Variants in PSMA1 observed in about 807,000 individuals in gnomAD.
PSMA1 encodes proteasome 20S subunit alpha 1.
A neutral mutation model predicts 38.4 loss-of-function variants in PSMA1; 3 were observed. The ratio of observed to expected loss-of-function variants is 0.08; its 90% CI spans 0.04 to 0.20. The LOEUF (loss-of-function observed/expected upper bound fraction) is 0.20, where lower values mean the gene tolerates loss of function less well. Ranked by LOEUF, PSMA1 falls within the 10% of genes least tolerant of loss-of-function variation. The probability of loss-of-function intolerance (pLI) is 1.00; values close to 1 mark genes in which losing one functional copy is unlikely to be tolerated. For missense variants in PSMA1, 227 were observed against 325.3 expected, an observed-to-expected ratio of 0.70 and a Z score of 2.32; for synonymous variants, 101 against 107.1, an observed-to-expected ratio of 0.94 and a Z score of 0.35.
intron 2 of PSMA1, among the ~76,000 whole-genome samples, chr11:14,529,672 C>T (rs566891919): frequency 6.6e-6 from 1 of 152,314 alleles, no homozygotes; most frequent in South Asian, 2.1e-4. Context: ...TGCGTGCGTT[C>T]TTTGGTAACA....
intron 2 of PSMA1, among the ~76,000 whole-genome samples, chr11:14,607,076 T>C (rs1467417623): frequency 6.6e-6 from 1 of 152,170 alleles, no homozygotes; most frequent in Non-Finnish European, 1.5e-5. Context: ...GAGATGAGCA[T>C]TGTAAAATTC....
intron 1 of PSMA1, among the ~76,000 whole-genome samples, chr11:14,629,989 G>A (rs1262861043): frequency 6.6e-6 from 1 of 152,044 alleles, no homozygotes; most frequent in African/African-American, 2.4e-5. Flanking sequence ...GTATAAGAAT[G>A]CTTGTGATTT....
chr11:14,640,692 T>A (rs747735031), intron 1 of PSMA1, among the ~76,000 whole-genome samples: 28 of 152,204 alleles, frequency 1.8e-4, no homozygotes, highest in Non-Finnish European at 3.2e-4. Context: ...AAAACAATGA[T>A]CCTTTCTATG....
chr11:14,523,591 T>G (rs1851553525), upstream of PSMA1, among the ~76,000 whole-genome samples: 1 of 31,826 alleles, frequency 3.1e-5, no homozygotes, highest in East Asian at 1.3e-3. Context: ...TCAGGATACA[T>G]TTTTTTTTTT....
chr11:14,633,279 T>C (rs908094480), intron 1 of PSMA1, among the ~76,000 whole-genome samples: 1 of 152,182 alleles, frequency 6.6e-6, no homozygotes, highest in African/African-American at 2.4e-5. Flanking sequence ...TTATCTACTT[T>C]TGGTCTTTGA....
At chr11:14,543,106 C>T (rs1016887739) in intron 2 of PSMA1, among the ~76,000 whole-genome samples, 38 of 152,306 alleles carry the variant, frequency 2.5e-4, no homozygotes, top group African/African-American at 8.2e-4. Context: ...GCTGGGATTA[C>T]AAGCGTGAGC....
At chr11:14,579,850 A>G (rs1852262600) in intron 2 of PSMA1, among the ~76,000 whole-genome samples, 1 of 152,162 alleles carries the variant, frequency 6.6e-6, no homozygotes, top group African/African-American at 2.4e-5. Flanking sequence ...TATCCTTCCT[A>G]CAAGCTACAC....
At chr11:14,600,705 G>A (rs1371242220) in intron 2 of PSMA1, among the ~76,000 whole-genome samples, 1 of 152,216 alleles carries the variant, frequency 6.6e-6, no homozygotes, top group African/African-American at 2.4e-5. Context: ...TCCCAGGTGA[G>A]GTTATGCCCC....
At chr11:14,522,229 G>T (rs189638147), upstream of PSMA1, among the ~76,000 whole-genome samples, 4 of 152,078 alleles carry the variant, frequency 2.6e-5, no homozygotes, top group East Asian at 7.7e-4. Context: ...TTCAATAGTC[G>T]CATAGTATTT....
upstream of PSMA1, among the ~76,000 whole-genome samples, chr11:14,520,848 G>C (rs900937739): frequency 6.6e-6 from 1 of 152,222 alleles, no homozygotes; most frequent in African/African-American, 2.4e-5. Flanking sequence ...TTGCATTAAG[G>C]TTGGTGCAAA....
intron 2 of PSMA1, among the ~76,000 whole-genome samples, chr11:14,539,566 C>T (rs1376996735): frequency 3.3e-5 from 5 of 151,590 alleles, no homozygotes; most frequent in Admixed American, 6.6e-5. Flanking sequence ...GACCCACGGG[C>T]CGGGTGCGGT....
At position 14,505,176 on chromosome 11, in the gene PSMA1, T is replaced by C; in HGVS notation, c.*16A>G. 1.2e-6 allele frequency: 2 copies of C among 1,600,074 alleles called. No individual in the cohort carries two copies. Among genetic ancestry groups the C allele is most frequent in the South Asian group, 1.1e-5 (1 of 90,790 alleles). The stretch of plus-strand genomic sequence containing the variant: ...TCTTACATATTTGATAATACATATA[T>C]AGACTGGCTTATCACTTAATGTTCC... On this transcript the variant is annotated 3_prime_UTR_variant, in exon 10 of 10. Transcript: ENST00000396394.
chr11:14,563,825 A>G (rs986112795), intron 2 of PSMA1, among the ~76,000 whole-genome samples: 5 of 152,202 alleles, frequency 3.3e-5, no homozygotes, highest in African/African-American at 9.6e-5. Context: ...CATACTTAAT[A>G]TATTTCCTAG....
At chr11:14,522,283 A>C (rs1168352469), upstream of PSMA1, among the ~76,000 whole-genome samples, 1 of 152,184 alleles carries the variant, frequency 6.6e-6, no homozygotes, top group Admixed American at 6.5e-5. Flanking sequence ...TTAGTGTGCA[A>C]TTCAATTGTT....
At chr11:14,631,032 T>A (rs1439365936) in intron 1 of PSMA1, among the ~76,000 whole-genome samples, 5 of 152,200 alleles carry the variant, frequency 3.3e-5, no homozygotes, top group Non-Finnish European at 4.4e-5. Context: ...CATTTTTTAT[T>A]GCGTCTATTT....
At chr11:14,520,462 T>C (rs959452796), upstream of PSMA1, 122 of 1,533,136 alleles carry the variant, frequency 8.0e-5, no homozygotes, top group East Asian at 2.5e-3. Context: ...CTTGCAACAC[T>C]TCCCCCTCCT....
chr11:14,597,710 C>G (rs1412302240), intron 2 of PSMA1, among the ~76,000 whole-genome samples: 3 of 152,140 alleles, frequency 2.0e-5, no homozygotes, highest in Non-Finnish European at 2.9e-5. Flanking sequence ...CCCCTAGATT[C>G]ATTGACTTTT....
chr11:14,621,520 C>T (rs1852843321), intron 1 of PSMA1, among the ~76,000 whole-genome samples: 1 of 152,124 alleles, frequency 6.6e-6, no homozygotes, highest in African/African-American at 2.4e-5. Context: ...GTCCTCCCAC[C>T]TTGGCCTCCT....
chr11:14,550,732 C>T (rs1851876463), intron 2 of PSMA1, among the ~76,000 whole-genome samples: 1 of 147,740 alleles, frequency 6.8e-6, no homozygotes, highest in African/African-American at 2.6e-5. Flanking sequence ...GATGAAACTT[C>T]TTAATTTTTT....
Sources: allele counts gnomAD v4.1 joint callset (sites outside exome capture counted in the v4.1 genomes callset), GRCh38; gene constraint gnomAD v4.1.1; transcripts MANE v1.5; gene names NCBI Gene and HGNC (gene_info 2026-07-23, HGNC 2026-07-21).